RANBP2: variants seen among roughly 807,000 people sequenced by gnomAD.
The protein encoded by RANBP2 is RAN binding protein 2, also known as E3 SUMO-protein ligase RanBP2.
Under a neutral mutation model 303.6 loss-of-function variants are expected in RANBP2, and 57 were observed. That is an observed-to-expected ratio of 0.19 (90% CI 0.15 to 0.23). The LOEUF (loss-of-function observed/expected upper bound fraction) is 0.23, where lower values mean the gene tolerates loss of function less well. RANBP2 is among the 10% of genes least tolerant of loss of function. The pLI is 1.00. For synonymous variants in RANBP2, 1,167 were observed against 1,301.5 expected, an observed-to-expected ratio of 0.90 and a Z score of 2.23; for missense variants, 3,138 against 3,780.8, an observed-to-expected ratio of 0.83 and a Z score of 4.46.
At chr2:109,611,646 G>A in the RANBP2 span, among the ~76,000 whole-genome samples, 1 of 151,598 alleles carries the variant, frequency 6.6e-6, no homozygotes, top group African/African-American at 2.4e-5. Flanking sequence ...TATAGTCCTA[G>A]CTACTTGGGG....
At chr2:108,833,989 G>A in the RANBP2 span, among the ~76,000 whole-genome samples, 1 of 138,872 alleles carries the variant, frequency 7.2e-6, no homozygotes, top group African/African-American at 2.7e-5. Flanking sequence ...CTCATGATCC[G>A]CCTGCCTCGG....
chr2:109,010,178 T>A, the RANBP2 span, among the ~76,000 whole-genome samples: 4 of 152,214 alleles, frequency 2.6e-5, no homozygotes, highest in African/African-American at 9.6e-5. Context: ...TTTGATCCTT[T>A]GAGGCAACCA....
the RANBP2 span, among the ~76,000 whole-genome samples, chr2:109,505,190 CAG>C: frequency 6.6e-6 from 1 of 152,222 alleles, no homozygotes; most frequent in South Asian, 2.1e-4. Context: ...CACTGATCTC[CAG>C]AGAGGTGCAT....
the RANBP2 span, among the ~76,000 whole-genome samples, chr2:109,517,181 C>A: frequency 6.8e-6 from 1 of 146,452 alleles, no homozygotes; most frequent in Non-Finnish European, 1.5e-5. Context: ...AAAGGGTATA[C>A]ACAGAGGTCC....
chr2:109,032,016 T>C, the RANBP2 span, among the ~76,000 whole-genome samples: 1,251 of 151,804 alleles, frequency 8.2e-3, 20 homozygotes, highest in East Asian at 0.036. Context: ...TGTAAGTTCT[T>C]GGTGTTCAAA....
At chr2:109,766,779 T>C in the RANBP2 span, among the ~76,000 whole-genome samples, 1 of 149,858 alleles carries the variant, frequency 6.7e-6, no homozygotes, top group Admixed American at 6.9e-5. Context: ...CTGGAATAGA[T>C]TTGCCTGTTT....
the RANBP2 span, chr2:109,574,612 T>A: frequency 2.2e-5 from 35 of 1,597,866 alleles, no homozygotes; most frequent in South Asian, 3.8e-4. Context: ...GGTTAAGAGA[T>A]CAAGTGTCTT....
the RANBP2 span, among the ~76,000 whole-genome samples, chr2:108,997,999 G>C: frequency 6.6e-6 from 1 of 152,172 alleles, no homozygotes; most frequent in Non-Finnish European, 1.5e-5. Context: ...GTGCATCTCT[G>C]AATGATGGTG....
the RANBP2 span, among the ~76,000 whole-genome samples, chr2:108,864,441 C>G: frequency 6.6e-6 from 1 of 151,980 alleles, no homozygotes; most frequent in African/African-American, 2.4e-5. Context: ...GGAGGGAGGA[C>G]TGCTTGATCC....
chr2:109,636,420 A>C, the RANBP2 span, among the ~76,000 whole-genome samples: 2 of 152,306 alleles, frequency 1.3e-5, no homozygotes, highest in Middle Eastern at 6.8e-3. Context: ...CATAACCCAA[A>C]GGAGACAATG....
the RANBP2 span, chr2:109,552,857 G>C: frequency 7.1e-6 from 3 of 425,094 alleles, no homozygotes; most frequent in South Asian, 1.2e-4. Flanking sequence ...GAATTTCAAC[G>C]ATTAGTGACT....
At chr2:108,947,540 T>A in the RANBP2 span, among the ~76,000 whole-genome samples, 2 of 152,198 alleles carry the variant, frequency 1.3e-5, no homozygotes, top group African/African-American at 2.4e-5. Context: ...ATACATACTC[T>A]GAAATCTAGG....
At chr2:109,338,408 A>G in the RANBP2 span, among the ~76,000 whole-genome samples, 1 of 150,832 alleles carries the variant, frequency 6.6e-6, no homozygotes, top group East Asian at 1.9e-4. Flanking sequence ...TCCTTTTGTC[A>G]TTTGAGCCAG....
the RANBP2 span, among the ~76,000 whole-genome samples, chr2:109,352,925 G>A: frequency 6.6e-6 from 1 of 152,262 alleles, no homozygotes; most frequent in Admixed American, 6.5e-5. Flanking sequence ...GGCTGTATCT[G>A]AAGCTTTGCC....
the RANBP2 span, among the ~76,000 whole-genome samples, chr2:109,000,351 AC>A: frequency 6.6e-6 from 1 of 151,752 alleles, no homozygotes; most frequent in East Asian, 1.9e-4. Flanking sequence ...ACATAGCAAG[AC>A]CCCCTCTCTA....
At chr2:108,946,329 G>A in the RANBP2 span, among the ~76,000 whole-genome samples, 1 of 152,334 alleles carries the variant, frequency 6.6e-6, no homozygotes, top group East Asian at 1.9e-4. Flanking sequence ...ACATATCTGA[G>A]TGTGTTCAGC....
the RANBP2 span, among the ~76,000 whole-genome samples, chr2:109,368,814 T>C: frequency 1.3e-5 from 2 of 152,234 alleles, no homozygotes; most frequent in East Asian, 1.9e-4. Flanking sequence ...ATTTCTATCT[T>C]GTGATATTTT....
chr2:109,193,531 T>G, the RANBP2 span, among the ~76,000 whole-genome samples: 1 of 152,218 alleles, frequency 6.6e-6, no homozygotes, highest in African/African-American at 2.4e-5. Flanking sequence ...ATATCTGGCT[T>G]CTTTCATTCC....
At chr2:109,033,604 A>G in the RANBP2 span, among the ~76,000 whole-genome samples, 1,042 of 152,280 alleles carry the variant, frequency 6.8e-3, 14 homozygotes, top group African/African-American at 0.024. Context: ...AGCAGTCACA[A>G]TGTAGGGTAT....
Sources: gnomAD v4.1 joint callset for allele counts (sites outside exome capture counted in the v4.1 genomes callset) on GRCh38, gnomAD v4.1.1 for gene constraint, MANE v1.5 for transcripts, NCBI Gene and HGNC (gene_info 2026-07-23, HGNC 2026-07-21) for gene names.